Variants in PTPRG observed in about 807,000 individuals in gnomAD.
The protein encoded by PTPRG is receptor-type tyrosine-protein phosphatase gamma.
A neutral mutation model predicts 165.3 loss-of-function variants in PTPRG; 102 were observed. That is an observed-to-expected ratio of 0.62 (90% CI 0.53 to 0.73). The LOEUF is 0.73. PTPRG is among the 30% of genes least tolerant of loss of function. PTPRG has a pLI of 0.00. For synonymous variants in PTPRG, 675 were observed against 669.5 expected, an observed-to-expected ratio of 1.01 and a Z score of -0.13; for missense variants, 1,866 against 1,861.4, an observed-to-expected ratio of 1.00 and a Z score of -0.05.
In PTPRG at chr3:62,215,556, C is replaced by T. The variant is rs1399100311; in HGVS notation, c.2156-3295C>T. Reference sequence around the variant, plus strand: ...CAACCCCCTACGGGAACCCCCCCCCCCCGCCAATTATTACACACTTTCACC... The same window carrying T: ...CAACCCCCTACGGGAACCCCCCCCCTCCGCCAATTATTACACACTTTCACC... On this transcript the variant is annotated intron_variant, in intron 12 of 29. Coordinates refer to ENST00000474889, the MANE Select transcript of PTPRG (RefSeq NM_002841.4). Among the ~76,000 whole-genome samples the T allele has an allele frequency of 2.1e-5, 3 of 144,302 alleles. 1 individual carries two copies. The highest frequency in any genetic ancestry group is 2.5e-4 in the South Asian group (1 of 4,046). The allele number at this position is 144,302 out of a possible 152,430, so 94.7% of individuals were successfully genotyped here.
chr3:62,133,222 G>C (rs1029323531), intron 6 of PTPRG, among the ~76,000 whole-genome samples: 5 of 152,144 alleles, frequency 3.3e-5, no homozygotes, highest in African/African-American at 1.2e-4. Flanking sequence ...GTTTTTATTG[G>C]AAGAATTTCC....
rs1251701995 is a variant in PTPRG at position 62,224,915 on chromosome 3, G to C, written c.2288+5932G>C. ...AACCAGAATCTGTAAAAACACAGAA[G>C]TTGCTATAAAACTAGGAAGAAATGT... On this transcript the variant is annotated intron_variant, in intron 13 of 29. Transcript: ENST00000474889. This position sits in a 1 kb window ranked among gnomAD's most constrained non-coding sequence, Gnocchi z 4.9. Among the ~76,000 whole-genome samples the C allele has an allele frequency of 6.6e-6, 1 of 152,222 alleles. No homozygotes were observed. Among genetic ancestry groups the C allele is most frequent in the Non-Finnish European group, 1.5e-5 (1 of 68,036 alleles).
intron 2 of PTPRG, among the ~76,000 whole-genome samples, chr3:61,801,166 C>T (rs2035228639): frequency 6.6e-6 from 1 of 152,152 alleles, no homozygotes; most frequent in Non-Finnish European, 1.5e-5. Flanking sequence ...TGGGAAATGG[C>T]TTCTGACTGC....
intron 5 of PTPRG, among the ~76,000 whole-genome samples, chr3:62,082,032 C>T (rs753510426): frequency 1.3e-5 from 2 of 152,162 alleles, no homozygotes; most frequent in Non-Finnish European, 2.9e-5. Flanking sequence ...AACTCCTCTA[C>T]TTGTAAAAAG....
At chr3:61,753,520 A>C in intron 2 of PTPRG, 1 of 418,052 alleles carries the variant, frequency 2.4e-6, no homozygotes, top group Admixed American at 2.8e-5. Flanking sequence ...GCAGGTCATC[A>C]ATGCAGGAAA....
intron 2 of PTPRG, among the ~76,000 whole-genome samples, chr3:61,821,255 C>T (rs643717): frequency 0.24 from 36,548 of 151,692 alleles, 4,536 homozygotes; most frequent in East Asian, 0.35. Flanking sequence ...CTGCAAGCTC[C>T]GCCGCCTGGG....
intron 4 of PTPRG, among the ~76,000 whole-genome samples, chr3:62,023,922 G>A (rs1440767320): frequency 2.0e-5 from 3 of 151,918 alleles, no homozygotes; most frequent in Non-Finnish European, 4.4e-5. Flanking sequence ...TTATTGCTGG[G>A]GAATACTTGA....
intron 1 of PTPRG, among the ~76,000 whole-genome samples, chr3:61,611,796 T>C (rs1701175811): frequency 1.3e-5 from 2 of 152,238 alleles, no homozygotes; most frequent in South Asian, 2.1e-4. Flanking sequence ...TTATAGACTC[T>C]GAAGTTGAAT....
intron 13 of PTPRG, among the ~76,000 whole-genome samples, chr3:62,223,936 G>A (rs1700705573): frequency 6.6e-6 from 1 of 152,060 alleles, no homozygotes; most frequent in East Asian, 1.9e-4. Flanking sequence ...TCTTTTGAAG[G>A]ATCTCAGTTG....
At chr3:61,819,324 A>G (rs1461776855) in intron 2 of PTPRG, among the ~76,000 whole-genome samples, 2 of 152,186 alleles carry the variant, frequency 1.3e-5, no homozygotes, top group Non-Finnish European at 2.9e-5. Context: ...TCAAAGCTTG[A>G]GGAAGCATTG....
In PTPRG at chr3:61,840,488, T is replaced by G. The variant is rs371151374; in HGVS notation, c.190+91506T>G. Among the ~76,000 whole-genome samples the G allele has an allele frequency of 1.8e-4, 27 of 152,296 alleles. 2 individuals carry two copies. The highest frequency in any genetic ancestry group is 6.5e-4 in the African/African-American group (27 of 41,566). On this transcript the variant is annotated intron_variant, in intron 2 of 29. Transcript: ENST00000474889. Reference sequence around the variant, plus strand: ...TCTATTAAAGTGATTTAATAAGCACTTTGTAAGTGTGTAATGAGGATGATT... The same window carrying G: ...TCTATTAAAGTGATTTAATAAGCACGTTGTAAGTGTGTAATGAGGATGATT...
intron 4 of PTPRG, among the ~76,000 whole-genome samples, chr3:62,038,298 A>T (rs1485468037): frequency 6.6e-6 from 1 of 152,254 alleles, no homozygotes; most frequent in Non-Finnish European, 1.5e-5. Flanking sequence ...GGAAAATCAT[A>T]GTAAAATGAG....
chr3:61,990,867 G>A (rs959131374), intron 3 of PTPRG, among the ~76,000 whole-genome samples: 1 of 148,398 alleles, frequency 6.7e-6, no homozygotes, highest in African/African-American at 2.5e-5. Context: ...CTAGCCCTTT[G>A]GTGCTATTCA....
At chr3:61,974,903 G>A (rs2040467190) in intron 2 of PTPRG, among the ~76,000 whole-genome samples, 1 of 152,166 alleles carries the variant, frequency 6.6e-6, no homozygotes. Flanking sequence ...TGTTGAAATT[G>A]TCCTTCAGAT....
intron 2 of PTPRG, among the ~76,000 whole-genome samples, chr3:61,756,187 G>A (rs372445947): frequency 1.3e-5 from 2 of 152,176 alleles, no homozygotes; most frequent in Admixed American, 6.5e-5. Context: ...ATAGTGTTTT[G>A]TCTGCATTTC....
rs1430702495 is a variant in PTPRG at position 62,213,120 on chromosome 3, G to A, written c.2156-5731G>A. The stretch of plus-strand genomic sequence containing the variant: ...CCTTCAGGAGGCAGCTAGGTTACCA[G>A]CAAAGCTCCGAGTGAAAGTGTGCTG... On this transcript the variant is annotated intron_variant, in intron 12 of 29. Transcript: ENST00000474889. This position sits in a 1 kb window ranked among gnomAD's most constrained non-coding sequence, Gnocchi z 4.4. Among the ~76,000 whole-genome samples the A allele has an allele frequency of 6.6e-6, 1 of 152,210 alleles. No homozygotes were observed. The highest frequency in any genetic ancestry group is 2.4e-5 in the African/African-American group (1 of 41,466).
chr3:61,917,238 G>T (rs2038963278), intron 2 of PTPRG, among the ~76,000 whole-genome samples: 1 of 152,166 alleles, frequency 6.6e-6, no homozygotes, highest in Non-Finnish European at 1.5e-5. Flanking sequence ...CTCCTGCCCT[G>T]CAGTGGCTCA....
At chr3:62,205,892 A>G (rs1463705307) in intron 12 of PTPRG, among the ~76,000 whole-genome samples, 2 of 152,120 alleles carry the variant, frequency 1.3e-5, no homozygotes, top group Non-Finnish European at 2.9e-5. Flanking sequence ...CTCTGCGTGG[A>G]GATGATATAG....
intron 2 of PTPRG, among the ~76,000 whole-genome samples, chr3:61,933,342 A>T (rs925748423): frequency 1.3e-5 from 2 of 152,112 alleles, no homozygotes; most frequent in Non-Finnish European, 2.9e-5. Flanking sequence ...TTTTGCTCTC[A>T]ACTATTAATT....
Sources: gnomAD v4.1 joint callset for allele counts (sites outside exome capture counted in the v4.1 genomes callset) on GRCh38, gnomAD v4.1.1 for gene constraint, Gnocchi (gnomAD v3.1) non-coding constraint, MANE v1.5 for transcripts, NCBI Gene and HGNC (gene_info 2026-07-23, HGNC 2026-07-21) for gene names.